PKP1: variants seen among roughly 807,000 people sequenced by gnomAD.
The protein encoded by PKP1 is plakophilin 1, also known as plakophilin-1.
In PKP1, 27 loss-of-function variants were observed where a neutral mutation model predicts 76.4. The ratio of observed to expected loss-of-function variants is 0.35; its 90% CI spans 0.26 to 0.49. The LOEUF is 0.49. Among genes scored for constraint, PKP1 ranks in the 20% least tolerant of loss-of-function variants. The pLI is 0.99. For synonymous variants in PKP1, 404 were observed against 384.2 expected (o/e 1.05, Z -0.60); for missense variants, 964 against 955.2 (o/e 1.01, Z -0.12).
At chr1:201,289,417 G>A (rs1655835580) in intron 1 of PKP1, among the ~76,000 whole-genome samples, 1 of 152,192 alleles carries the variant, frequency 6.6e-6, no homozygotes, top group African/African-American at 2.4e-5. Flanking sequence ...AGAAGCATCG[G>A]CCTTAAGGGA....
intron 5 of PKP1, 94 bp from the exon 6 acceptor site, chr1:201,318,524 G>T (rs1656836599): frequency 1.9e-6 from 2 of 1,046,048 alleles, no homozygotes; most frequent in East Asian, 4.8e-5. Context: ...TTTCAGTAGG[G>T]CCCATTTGCC....
Position 201,332,363 on chromosome 1 carries a change from G to A in PKP1, c.*2322G>A, listed in dbSNP as rs1395124370. On this transcript the variant is annotated 3_prime_UTR_variant, in exon 14 of 14. Transcript: ENST00000367324. ...GACTATTAGGGCAGGGCTGACTTTG[G>A]TGACACTGCCCATTCCCTCTCAGGC... 6.6e-6 allele frequency: 1 copy of A among 152,264 alleles called. No homozygotes were observed. The highest frequency in any genetic ancestry group is 2.4e-5 in the African/African-American group (1 of 41,458). 9.4% of individuals were successfully genotyped at this position (152,264 alleles called of 1,614,324 possible). A position where few individuals can be genotyped will look rare whatever the true frequency, so the allele number is the denominator to read the frequency against.
intron 7 of PKP1, 124 bp downstream of exon 7, chr1:201,320,505 C>A: frequency 1.4e-6 from 1 of 725,204 alleles, no homozygotes; most frequent in Non-Finnish European, 2.5e-6. Flanking sequence ...GAAGAGGCAT[C>A]TGGATGCAGG....
At chr1:201,316,913 A>T (rs1023692670) in intron 4 of PKP1, among the ~76,000 whole-genome samples, 1 of 152,194 alleles carries the variant, frequency 6.6e-6, no homozygotes, top group African/African-American at 2.4e-5. Context: ...GGCAGGTACA[A>T]TTCCTCCATT....
Position 201,317,611 on chromosome 1 carries a change from C to T in PKP1, c.886C>T (p.Leu296Phe), listed in dbSNP as rs564123317. ...AGGCATCTGCAAGCTGGTGGACCTC[C>T]TCCGCAGCCCCAACCAGAACGTCCA... ...LGGICKLVDL[L>F]RSPNQNVQQA... The change falls in exon 5 of 14, where the codon CTC becomes TTC. Residue 296 changes from leucine (L) to phenylalanine (F), a missense_variant. By Grantham distance (22) the Leu-to-Phe change is conservative (BLOSUM62 0). Coordinates refer to ENST00000367324, the MANE Select transcript of PKP1 (RefSeq NM_001005337.3). 6.2e-7 allele frequency: 1 copy of T among 1,614,072 alleles called. No homozygotes were observed. The highest frequency in any genetic ancestry group is 1.1e-5 in the South Asian group (1 of 91,068).
rs762256488 is a variant in PKP1 at position 201,318,612 on chromosome 1, C to A, written c.1055-6C>A. The A allele has an allele frequency of 4.3e-6, 7 of 1,611,950 alleles. No individual in the cohort carries two copies. The South Asian group carries it at 7.7e-5, about 18-fold the overall frequency. ...ACAAATTGGGTTGATGGTCTCTGAC[C>A]CCCAGGGCTGCTCTGGAACCTGTCT... On this transcript the variant is annotated splice_region_variant and splice_polypyrimidine_tract_variant and intron_variant, in intron 5 of 13. Transcript: ENST00000367324.
chr1:201,316,996 A>G (rs747804262), intron 4 of PKP1, among the ~76,000 whole-genome samples: 5 of 152,160 alleles, frequency 3.3e-5, no homozygotes, highest in Admixed American at 1.3e-4. Context: ...ACTAAAGAAC[A>G]TGACTGCTCC....
At position 201,332,294 on chromosome 1, in the gene PKP1, G is replaced by C. The variant is rs1472715311; in HGVS notation, c.*2253G>C. Reference sequence around the variant, plus strand: ...GAAGAGCCCCATGGGCCCAGCCCCTGCCCTGGGAACCAGGCAGCCTTCCAG... The same window carrying C: ...GAAGAGCCCCATGGGCCCAGCCCCTCCCCTGGGAACCAGGCAGCCTTCCAG... On this transcript the variant is annotated 3_prime_UTR_variant, in exon 14 of 14. Transcript: ENST00000367324. 1 of 152,330 alleles carries C rather than the reference G, an allele frequency of 6.6e-6. No individual in the cohort carries two copies. 9.4% of individuals were successfully genotyped at this position (152,330 alleles called of 1,614,324 possible).
At chr1:201,303,536 A>G (rs945870274) in intron 2 of PKP1, among the ~76,000 whole-genome samples, 2 of 152,270 alleles carry the variant, frequency 1.3e-5, no homozygotes, top group African/African-American at 4.8e-5. Context: ...GTAATCAATT[A>G]TAATAAATAG....
chr1:201,310,980 G>C (rs764681013), intron 2 of PKP1, among the ~76,000 whole-genome samples: 4 of 152,208 alleles, frequency 2.6e-5, no homozygotes, highest in Admixed American at 1.3e-4. Context: ...GCCTCTGAGA[G>C]GCTCAATCAG....
At chr1:201,320,512 C>T in intron 7 of PKP1, 131 bp downstream of exon 7, 1 of 714,872 alleles carries the variant, frequency 1.4e-6, no homozygotes. Context: ...CATCTGGATG[C>T]AGGGCTCAGT....
At chr1:201,290,305 TG>T (rs1655875610) in intron 1 of PKP1, among the ~76,000 whole-genome samples, 2 of 151,910 alleles carry the variant, frequency 1.3e-5, no homozygotes, top group African/African-American at 2.4e-5. Flanking sequence ...TGGGGTTCTG[TG>T]GGTGGGCAGA....
At chr1:201,329,156 G>A (rs1051194386) in intron 13 of PKP1, among the ~76,000 whole-genome samples, 1 of 152,302 alleles carries the variant, frequency 6.6e-6, no homozygotes, top group South Asian at 2.1e-4. Flanking sequence ...CACAGGTGGT[G>A]CCCTTCACAT....
intron 4 of PKP1, among the ~76,000 whole-genome samples, chr1:201,316,962 C>T (rs955971707): frequency 3.3e-5 from 5 of 152,222 alleles, no homozygotes; most frequent in Admixed American, 6.5e-5. Flanking sequence ...ACGGGTTCAA[C>T]AGAAACCCCT....
chr1:201,293,909 A>G (rs1228840812), intron 1 of PKP1, 33 bp from the exon 2 acceptor site: 6 of 1,424,784 alleles, frequency 4.2e-6, no homozygotes, highest in East Asian at 2.3e-5. Flanking sequence ...GATCATGGCC[A>G]TCCCTGTCCT....
At chr1:201,310,680 A>G (rs957087809) in intron 2 of PKP1, among the ~76,000 whole-genome samples, 4 of 152,236 alleles carry the variant, frequency 2.6e-5, no homozygotes, top group South Asian at 2.1e-4. Context: ...GCAAAGGGCC[A>G]TGATGATGGG....
intron 7 of PKP1, among the ~76,000 whole-genome samples, chr1:201,320,717 C>T (rs1320787887): frequency 6.6e-6 from 1 of 152,182 alleles, no homozygotes; most frequent in South Asian, 2.1e-4. Context: ...AAGCAAAACA[C>T]GAAGAGGGCC....
At chr1:201,300,803 G>A (rs1160456035) in intron 2 of PKP1, among the ~76,000 whole-genome samples, 2 of 152,204 alleles carry the variant, frequency 1.3e-5, no homozygotes, top group Non-Finnish European at 2.9e-5. Context: ...GTCCTCCAAG[G>A]GCAAGCTCCA....
At chr1:201,324,725 A>G (rs907940376) in intron 10 of PKP1, 144 bp downstream of exon 10, 7 of 1,132,606 alleles carry the variant, frequency 6.2e-6, no homozygotes, top group South Asian at 2.6e-5. Context: ...GTATGGAGAC[A>G]GGAGAAGGGA....
Sources: gnomAD v4.1 joint callset for allele counts (sites outside exome capture counted in the v4.1 genomes callset) on GRCh38, gnomAD v4.1.1 for gene constraint, MANE v1.5 for transcripts, NCBI Gene and HGNC (gene_info 2026-07-23, HGNC 2026-07-21) for gene names.